The following ADGRL3 variants were observed in gnomAD, a reference collection of about 807,000 sequenced individuals.
ADGRL3 encodes adhesion G protein-coupled receptor L3.
A neutral mutation model predicts 153.5 loss-of-function variants in ADGRL3; 62 were observed. The observed-to-expected ratio is 0.40, with a 90% CI of 0.33 to 0.50. The LOEUF is 0.50. Among genes scored for constraint, ADGRL3 ranks in the 20% least tolerant of loss-of-function variants. The pLI, the probability that ADGRL3 is intolerant of heterozygous loss-of-function variation, is 0.47. For synonymous variants in ADGRL3, 710 were observed against 672.5 expected (o/e 1.06, Z -0.86); for missense variants, 1,641 against 1,859.4 (o/e 0.88, Z 2.16).
At chr4:61,482,210 A>T (rs2098138545) in intron 2 of ADGRL3, among the ~76,000 whole-genome samples, 1 of 152,208 alleles carries the variant, frequency 6.6e-6, no homozygotes, top group African/African-American at 2.4e-5. Flanking sequence ...GCACATGTGT[A>T]CTTACTGAAT....
chr4:61,950,645 T>C (rs987124854), intron 17 of ADGRL3, among the ~76,000 whole-genome samples: 2 of 152,208 alleles, frequency 1.3e-5, no homozygotes, highest in African/African-American at 4.8e-5. Flanking sequence ...GTCTTCCTTA[T>C]GCCTGAAGAA....
chr4:61,511,177 G>A (rs1454462884), intron 3 of ADGRL3, among the ~76,000 whole-genome samples: 2 of 152,116 alleles, frequency 1.3e-5, no homozygotes, highest in African/African-American at 4.8e-5. Flanking sequence ...TGCCAACTTG[G>A]TGAAACCCTC....
chr4:62,032,030 A>T (rs1419740458), intron 23 of ADGRL3, among the ~76,000 whole-genome samples: 1 of 151,408 alleles, frequency 6.6e-6, no homozygotes, highest in Non-Finnish European at 1.5e-5. Context: ...ATACATGTGT[A>T]TATGTGTATA....
intron 21 of ADGRL3, among the ~76,000 whole-genome samples, chr4:62,012,756 G>GATT (rs2099192486): frequency 6.6e-6 from 1 of 152,110 alleles, no homozygotes; most frequent in Non-Finnish European, 1.5e-5. Flanking sequence ...TAACACCTAT[G>GATT]ATTATATTAA....
chr4:62,048,097 G>A (rs1732102616), intron 25 of ADGRL3, among the ~76,000 whole-genome samples: 1 of 152,114 alleles, frequency 6.6e-6, no homozygotes, highest in African/African-American at 2.4e-5. Context: ...TCCCAGGGCT[G>A]TTGGAAATCT....
At chr4:61,846,348 A>T (rs1230806054) in intron 9 of ADGRL3, among the ~76,000 whole-genome samples, 1 of 152,054 alleles carries the variant, frequency 6.6e-6, no homozygotes, top group African/African-American at 2.4e-5. Flanking sequence ...AGTACTTTTT[A>T]TTAAAAAGTT....
rs1317134909 is a variant in ADGRL3 at position 62,070,816 on chromosome 4, A to G, written c.4540A>G (p.Ser1514Gly). The change falls in exon 27 of 27, where the codon AGC becomes GGC. Residue 1514 changes from serine (S) to glycine (G), a missense_variant. Ser to Gly is a moderately conservative substitution (Grantham distance 56). Around this residue, in one of 5 missense-constraint regions of ADGRL3, gnomAD observed 517 missense variants for 555.0 expected, o/e 0.93. Coordinates refer to ENST00000683033, the MANE Select transcript of ADGRL3 (RefSeq NM_001387552.1). ...TACTTACTACCAGCTAGGTCGCGGCAGCAGTGATGGATTTATAGTTCCTCC... is the reference window on the plus strand; with the variant it reads ...TACTTACTACCAGCTAGGTCGCGGCGGCAGTGATGGATTTATAGTTCCTCC... ...LHTYYQLGRG[S>G]SDGFIVPPNK... The G allele has an allele frequency of 6.4e-7, 1 of 1,551,580 alleles. No individual in the cohort carries two copies. Among genetic ancestry groups the G allele is most frequent in the Non-Finnish European group, 8.7e-7 (1 of 1,146,990 alleles).
intron 2 of ADGRL3, chr4:61,426,999 A>G (rs945259041): frequency 1.3e-5 from 2 of 152,180 alleles, no homozygotes; most frequent in African/African-American, 4.8e-5. Flanking sequence ...TTATGGCACA[A>G]AGTCCCTGGT....
At chr4:61,501,556 A>G (rs1247656229) in intron 3 of ADGRL3, among the ~76,000 whole-genome samples, 1 of 152,192 alleles carries the variant, frequency 6.6e-6, no homozygotes, top group Non-Finnish European at 1.5e-5. Flanking sequence ...AAACATTTCT[A>G]AATACTAGCA....
At chr4:61,832,639 G>A (rs2345041) in intron 9 of ADGRL3, among the ~76,000 whole-genome samples, 49,842 of 151,788 alleles carry the variant, frequency 0.33, 10,257 homozygotes, top group East Asian at 0.62. Flanking sequence ...ATAATCTACT[G>A]TTCTTTCCTT....
chr4:61,909,697 G>A lies in ADGRL3; in HGVS notation c.2025G>A (p.Arg675=). 1 of 1,588,978 alleles carries A rather than the reference G, an allele frequency of 6.3e-7. No individual in the cohort carries two copies. The highest frequency in any genetic ancestry group is 1.8e-5 in the Admixed American group (1 of 55,766). The change falls in exon 12 of 27, where the codon CGG becomes CGA. Residue 675 remains arginine, a synonymous_variant. Transcript: ENST00000683033. ...QLVGLLDVQL[R]NLTPGGKDSA... is the part of the protein sequence containing the mutation. ...TAGGCCTCCTAGATGTACAGCTTCG[G>A]AACTTGACCCCAGGTGGAAAAGATA...
At chr4:61,208,503 C>T (rs921685834) in intron 1 of ADGRL3, among the ~76,000 whole-genome samples, 1 of 152,004 alleles carries the variant, frequency 6.6e-6, no homozygotes. Flanking sequence ...TTAATCAATT[C>T]CCCATGTGAT....
chr4:61,826,196 G>A (rs1394976986), intron 9 of ADGRL3, among the ~76,000 whole-genome samples: 1 of 152,072 alleles, frequency 6.6e-6, no homozygotes, highest in Admixed American at 6.6e-5. Flanking sequence ...CATATAAGAT[G>A]GTTAGTCAAA....
intron 9 of ADGRL3, among the ~76,000 whole-genome samples, chr4:61,869,130 A>T (rs1293717935): frequency 6.6e-6 from 1 of 152,134 alleles, no homozygotes; most frequent in Admixed American, 6.5e-5. Context: ...CTTTTTATAC[A>T]AAGGGGTTTT....
intron 1 of ADGRL3, among the ~76,000 whole-genome samples, chr4:61,260,655 G>C (rs67253259): frequency 6.6e-6 from 1 of 152,024 alleles, no homozygotes; most frequent in Non-Finnish European, 1.5e-5. Flanking sequence ...AAATTTGACC[G>C]TCACTTGAAT....
At chr4:61,776,848 G>T (rs552060668) in intron 8 of ADGRL3, among the ~76,000 whole-genome samples, 1 of 152,226 alleles carries the variant, frequency 6.6e-6, no homozygotes, top group South Asian at 2.1e-4. Context: ...CTTCTTGAAT[G>T]TATTGATTTA....
intron 19 of ADGRL3, among the ~76,000 whole-genome samples, chr4:61,990,533 C>A (rs1036350752): frequency 6.6e-6 from 1 of 151,816 alleles, no homozygotes; most frequent in African/African-American, 2.4e-5. Flanking sequence ...TGGAGTTATA[C>A]TCTGTTAAAT....
intron 6 of ADGRL3, among the ~76,000 whole-genome samples, chr4:61,678,607 T>G (rs1212145126): frequency 6.6e-6 from 1 of 152,002 alleles, no homozygotes. Flanking sequence ...TCATAAATTT[T>G]CAGAGATTGG....
chr4:61,857,036 C>G (rs1194822939), intron 9 of ADGRL3, among the ~76,000 whole-genome samples: 1 of 145,728 alleles, frequency 6.9e-6, no homozygotes, highest in Non-Finnish European at 1.5e-5. Context: ...TTCCTTCCTT[C>G]CTTCCCTTTC....
Sources: gnomAD v4.1 joint callset for allele counts (sites outside exome capture counted in the v4.1 genomes callset) on GRCh38, gnomAD v4.1.1 for gene constraint, gnomAD v4.1.1 regional missense constraint, MANE v1.5 for transcripts, NCBI Gene and HGNC (gene_info 2026-07-23, HGNC 2026-07-21) for gene names.